AKAP8L: variants seen among roughly 807,000 people sequenced by gnomAD.
The protein encoded by AKAP8L is A-kinase anchoring protein 8 like.
AKAP8L carries 34 observed loss-of-function variants against 77.5 expected under a neutral mutation model. The ratio of observed to expected loss-of-function variants is 0.44; its 90% CI spans 0.33 to 0.58. The LOEUF is 0.58. Among genes scored for constraint, AKAP8L ranks in the 20% least tolerant of loss-of-function variants. AKAP8L has a pLI of 0.02. For synonymous variants in AKAP8L, 342 were observed against 340.7 expected (o/e 1.00, Z -0.04); for missense variants, 806 against 887.6 (o/e 0.91, Z 1.17).
In AKAP8L at chr19:15,396,123, C is replaced by T. The variant is rs568076663; in HGVS notation, c.1536+1027G>A. On this transcript the variant is annotated intron_variant, in intron 12 of 13. Transcript: ENST00000397410. ...TCCTGAGTCTCTGCAACCAGAGAGA[C>T]CCCTGACCCTGTCCACCGTTCAGAA... is the stretch of plus-strand genomic sequence containing the variant. 2.6e-5 allele frequency among the ~76,000 whole-genome samples: 4 copies of T among 152,138 alleles called. No individual in the cohort carries two copies. In the South Asian group the frequency reaches 8.3e-4, roughly 32 times the overall value.
intron 2 of AKAP8L, among the ~76,000 whole-genome samples, chr19:15,408,968 G>A (rs1267647305): frequency 6.6e-6 from 1 of 151,840 alleles, no homozygotes; most frequent in Non-Finnish European, 1.5e-5. Context: ...TGCCATAGAA[G>A]AATAAGAAAC....
rs1320523972 is a variant in AKAP8L, at chr19:15,401,206, T to C, written c.760A>G (p.Asn254Asp). The C allele has an allele frequency of 5.6e-6, 9 of 1,612,192 alleles. No homozygotes were observed. The Admixed American group carries it at 8.3e-5, about 15-fold the overall frequency. The change falls in exon 5 of 14, where the codon AAT (asparagine) becomes GAT (aspartate). Residue 254 changes from asparagine to aspartate, a missense_variant. Asn to Asp is a conservative substitution (Grantham distance 23). Transcript: ENST00000397410. The surrounding 1 kb of genome is among the most constrained non-coding windows in gnomAD (Gnocchi z 6.2). ...GTCCGCCTCATCTGCTTCATGCCAT[T>C]GCCAAACCCGAAACCAAAGCGGGAG... ...GGSRFGFGFG[N>D]GMKQMRRTWK...
intron 2 of AKAP8L, chr19:15,404,342 C>T (rs368891491): frequency 4.3e-5 from 17 of 391,130 alleles, no homozygotes; most frequent in South Asian, 2.0e-4. Context: ...AGGTGACCTC[C>T]ACACCCCAAG....
At chr19:15,395,272 T>C (rs1294398487) in intron 12 of AKAP8L, among the ~76,000 whole-genome samples, 1 of 152,158 alleles carries the variant, frequency 6.6e-6, no homozygotes, top group African/African-American at 2.4e-5. Context: ...GACCTCGTGA[T>C]CCGCCCACCT....
chr19:15,405,820 G>A (rs1039185398), intron 2 of AKAP8L, among the ~76,000 whole-genome samples: 1 of 152,092 alleles, frequency 6.6e-6, no homozygotes, highest in African/African-American at 2.4e-5. Context: ...TGCTTGGGAG[G>A]CTGAGGCAGG....
intron 1 of AKAP8L, among the ~76,000 whole-genome samples, chr19:15,417,074 C>T (rs1968220324): frequency 6.6e-6 from 1 of 152,200 alleles, no homozygotes; most frequent in East Asian, 1.9e-4. Context: ...TATCTCAGTG[C>T]CCACCCAAAC....
intron 8 of AKAP8L, 200 bp downstream of exon 8, chr19:15,400,095 C>T (rs1967860297): frequency 3.2e-6 from 2 of 615,546 alleles, no homozygotes; most frequent in African/African-American, 3.7e-5. Flanking sequence ...CATCCACAGC[C>T]TCCGCCTGGG....
In AKAP8L at chr19:15,399,592, C is replaced by T. The variant is rs2145130231; in HGVS notation, c.1049-182G>A. ...GGGCTGTGCAGGGAGTGGGTTTGGC[C>T]TAGGCCCCAAGGAGTGGGGGCCAGG... On this transcript the variant is annotated intron_variant, in intron 8 of 13. Transcript: ENST00000397410. This position sits in a 1 kb window ranked among gnomAD's most constrained non-coding sequence, Gnocchi z 6.1. 1 of 611,562 alleles carries T rather than the reference C, an allele frequency of 1.6e-6. No individual in the cohort carries two copies. The highest frequency in any genetic ancestry group is 2.9e-6 in the Non-Finnish European group (1 of 340,790). 37.9% of individuals were successfully genotyped at this position (611,562 alleles called of 1,614,324 possible).
chr19:15,412,556 T>C (rs1021805131), intron 1 of AKAP8L, among the ~76,000 whole-genome samples: 3 of 152,144 alleles, frequency 2.0e-5, no homozygotes, highest in Non-Finnish European at 2.9e-5. Context: ...GAAATACATA[T>C]ATATTTTTTT....
chr19:15,387,281 G>A (rs1967558924), intron 12 of AKAP8L, among the ~76,000 whole-genome samples: 1 of 152,204 alleles, frequency 6.6e-6, no homozygotes, highest in Non-Finnish European at 1.5e-5. Context: ...CCTTGGCTCA[G>A]AGATTCTGCC....
intron 12 of AKAP8L, among the ~76,000 whole-genome samples, chr19:15,389,370 G>A (rs1441718857): frequency 6.6e-6 from 1 of 152,068 alleles, no homozygotes; most frequent in Non-Finnish European, 1.5e-5. Context: ...CCAACATACG[G>A]GTAATGAGCA....
In AKAP8L at chr19:15,403,488, A is replaced by G; in HGVS notation, c.349T>C (p.Ser117Pro). 1.9e-6 allele frequency: 3 copies of G among 1,613,912 alleles called. No individual in the cohort carries two copies. Among genetic ancestry groups the G allele is most frequent in the Non-Finnish European group, 2.5e-6 (3 of 1,179,886 alleles). ...GTGTCCACTCACCTTTCTCCACCTGAGCCGTACACGCCTCCTTGCATCATG... is the reference window on the plus strand; with the variant it reads ...GTGTCCACTCACCTTTCTCCACCTGGGCCGTACACGCCTCCTTGCATCATG... ...TDMMQGGVYG[S>P]GGERYDSYES... The change falls in exon 4 of 14, where the codon TCA becomes CCA. Residue 117 changes from serine to proline, a missense_variant. Physicochemically the swap from Ser to Pro is moderately conservative, Grantham distance 74. Transcript: ENST00000397410. This position sits in a 1 kb window ranked among gnomAD's most constrained non-coding sequence, Gnocchi z 4.3.
intron 12 of AKAP8L, among the ~76,000 whole-genome samples, chr19:15,383,018 A>C (rs1967451573): frequency 6.6e-6 from 1 of 152,170 alleles, no homozygotes; most frequent in African/African-American, 2.4e-5. Flanking sequence ...ACCATCCCTT[A>C]TCTATAAACT....
At chr19:15,393,875 C>G (rs1185192679) in intron 12 of AKAP8L, among the ~76,000 whole-genome samples, 3 of 147,356 alleles carry the variant, frequency 2.0e-5, no homozygotes, top group African/African-American at 7.6e-5. Context: ...TGCACTCCAG[C>G]CTGGGCAAGA....
At chr19:15,384,834 TAAAG>T (rs1256002811) in intron 12 of AKAP8L, among the ~76,000 whole-genome samples, 3 of 152,230 alleles carry the variant, frequency 2.0e-5, no homozygotes, top group Non-Finnish European at 2.9e-5. Context: ...TATTTGCACA[TAAAG>T]AGAGTTTGCA....
At chr19:15,390,890 A>G (rs1243767214) in intron 12 of AKAP8L, among the ~76,000 whole-genome samples, 1 of 152,230 alleles carries the variant, frequency 6.6e-6, no homozygotes, top group Non-Finnish European at 1.5e-5. Context: ...AAAACACTTA[A>G]CAGGACTAGA....
chr19:15,380,889 C>CA (rs1967398134), intron 12 of AKAP8L: 3 of 464,860 alleles, frequency 6.5e-6, no homozygotes, highest in African/African-American at 1.9e-5. Context: ...GATTTGCTTA[C>CA]AAAAAAGCTA....
At chr19:15,418,519 C>T (rs1057431047) in intron 1 of AKAP8L, among the ~76,000 whole-genome samples, 6 of 152,190 alleles carry the variant, frequency 3.9e-5, no homozygotes, top group African/African-American at 1.4e-4. Flanking sequence ...GAGGACGCGA[C>T]AATGGCGACG....
chr19:15,412,996 G>A (rs1968136141), intron 1 of AKAP8L, among the ~76,000 whole-genome samples: 1 of 152,174 alleles, frequency 6.6e-6, no homozygotes, highest in Non-Finnish European at 1.5e-5. Flanking sequence ...ACCTACAGAA[G>A]TGCCTTCCCC....
Sources: gnomAD v4.1 joint callset for allele counts (sites outside exome capture counted in the v4.1 genomes callset) on GRCh38, gnomAD v4.1.1 for gene constraint, Gnocchi (gnomAD v3.1) non-coding constraint, MANE v1.5 for transcripts, NCBI Gene and HGNC (gene_info 2026-07-23, HGNC 2026-07-21) for gene names.